COPB1: variants seen among roughly 807,000 people sequenced by gnomAD.
COPB1 encodes the protein coatomer subunit beta.
Under a neutral mutation model 108.7 loss-of-function variants are expected in COPB1, and 21 were observed. That is an observed-to-expected ratio of 0.19 (90% confidence interval 0.14 to 0.28). The LOEUF (loss-of-function observed/expected upper bound fraction) is 0.28. Among genes scored for constraint, COPB1 ranks in the 10% least tolerant of loss-of-function variants. The pLI, the probability that COPB1 is intolerant of heterozygous loss-of-function variation, is 1.00. For missense variants in COPB1, 919 were observed against 1,141.3 expected, an observed-to-expected ratio of 0.81 and a Z score of 2.81; for synonymous variants, 378 against 386.8, an observed-to-expected ratio of 0.98 and a Z score of 0.27.
At chr11:14,464,660 C>A (rs1408384149) in intron 18 of COPB1, among the ~76,000 whole-genome samples, 3 of 152,096 alleles carry the variant, frequency 2.0e-5, no homozygotes, top group Non-Finnish European at 4.4e-5. Context: ...CTGTAACACA[C>A]TGGACTACAA....
At chr11:14,485,356 A>G (rs556683385) in intron 7 of COPB1, among the ~76,000 whole-genome samples, 2 of 152,120 alleles carry the variant, frequency 1.3e-5, no homozygotes, top group East Asian at 1.9e-4. Flanking sequence ...CTGTACAGAT[A>G]GAGTCTCTCT....
At chr11:14,493,603 G>A in intron 4 of COPB1, 39 bp downstream of exon 4, 1 of 1,544,526 alleles carries the variant, frequency 6.5e-7, no homozygotes, top group Non-Finnish European at 8.7e-7. Context: ...AGACTAAACA[G>A]TACTCACAGA....
intron 16 of COPB1, 49 bp from the exon 17 acceptor site, chr11:14,466,475 C>T (rs1009996205): frequency 1.3e-6 from 2 of 1,565,834 alleles, no homozygotes; most frequent in Non-Finnish European, 8.7e-7. Context: ...TGCAATTTCA[C>T]CAAACATACC....
chr11:14,465,097 AC>A lies in COPB1; in HGVS notation c.2291-68del. The A allele has an allele frequency of 9.7e-6, 14 of 1,437,466 alleles. 1 individual carries two copies. The highest frequency in any genetic ancestry group is 5.1e-5 in the South Asian group (4 of 77,896). The allele number at this position is 1,437,466 out of a possible 1,614,324, so 89.0% of individuals were successfully genotyped here. On this transcript the variant is annotated intron_variant, in intron 17 of 21. Transcript: ENST00000439561. The stretch of plus-strand genomic sequence containing the variant: ...CACACACACACACACACACACACAC[AC>A]ACACACACACACTAACCATAAAACC...
chr11:14,469,080 G>A (rs1343278957), intron 15 of COPB1, among the ~76,000 whole-genome samples: 2 of 151,928 alleles, frequency 1.3e-5, no homozygotes, highest in Admixed American at 6.6e-5. Context: ...CTGCAGCCTC[G>A]AACTCTTAGA....
rs1263051655 is a variant in COPB1, at chr11:14,458,696, A to C, written c.2647-9T>G. 20 of 1,608,680 alleles carry C rather than the reference A, an allele frequency of 1.2e-5. No homozygotes were observed. Among genetic ancestry groups the C allele is most frequent in the Non-Finnish European group, 1.7e-5 (20 of 1,178,084 alleles). On this transcript the variant is annotated splice_polypyrimidine_tract_variant and intron_variant, in intron 20 of 21. Coordinates refer to ENST00000439561, the MANE Select transcript of COPB1 (RefSeq NM_001144061.2). ...CAGTAACCAGAAAGGGCCTGGAAAAAATTTGTGATAAATTCATTACTTTAC... is the reference window on the plus strand; with the variant it reads ...CAGTAACCAGAAAGGGCCTGGAAAACATTTGTGATAAATTCATTACTTTAC...
intron 20 of COPB1, among the ~76,000 whole-genome samples, chr11:14,459,684 C>T (rs954026654): frequency 3.3e-5 from 5 of 151,240 alleles, no homozygotes; most frequent in Admixed American, 6.6e-5. Context: ...GGTGTGATCT[C>T]GGCTCACTGC....
At chr11:14,491,945 A>G (rs572494807) in intron 4 of COPB1, among the ~76,000 whole-genome samples, 1 of 152,338 alleles carries the variant, frequency 6.6e-6, no homozygotes, top group East Asian at 1.9e-4. Context: ...AAATTTAGAA[A>G]TATTAGTACA....
intron 7 of COPB1, among the ~76,000 whole-genome samples, chr11:14,484,238 G>C (rs1014005065): frequency 6.6e-6 from 1 of 152,212 alleles, no homozygotes; most frequent in Admixed American, 6.5e-5. Flanking sequence ...TATGACCACT[G>C]CATACAATAT....
intron 5 of COPB1, 84 bp downstream of exon 5, chr11:14,490,481 A>C: frequency 1.4e-6 from 1 of 730,374 alleles, no homozygotes. Flanking sequence ...AAAATTACTG[A>C]CTAAAAACAT....
At position 14,494,200 on chromosome 11, in the gene COPB1, T is replaced by G; in HGVS notation, c.321+10A>C. 1.9e-6 allele frequency: 3 copies of G among 1,546,350 alleles called. No individual in the cohort carries two copies. The highest frequency in any genetic ancestry group is 2.7e-6 in the Non-Finnish European group (3 of 1,127,482). On this transcript the variant is annotated intron_variant, in intron 3 of 21. Coordinates refer to ENST00000439561, the MANE Select transcript of COPB1 (RefSeq NM_001144061.2). ...AAGCAATATTCAGAAATAATTATGA[T>G]TTGGTTTACCTTTCTGTATGCATCA...
intron 19 of COPB1, 149 bp from the exon 20 acceptor site, chr11:14,460,446 AC>A (rs1232317706): frequency 1.7e-6 from 1 of 576,860 alleles, no homozygotes; most frequent in East Asian, 2.9e-5. Context: ...ATAAAATCCA[AC>A]AAGCTGTAGG....
At chr11:14,466,465 T>C (rs1850283764) in intron 16 of COPB1, 39 bp from the exon 17 acceptor site, 1 of 1,587,786 alleles carries the variant, frequency 6.3e-7, no homozygotes, top group Non-Finnish European at 8.6e-7. Flanking sequence ...AAATGACAGA[T>C]GCAATTTCAC....
intron 20 of COPB1, among the ~76,000 whole-genome samples, chr11:14,459,014 C>T (rs1022542219): frequency 1.3e-5 from 2 of 152,150 alleles, no homozygotes; most frequent in South Asian, 2.1e-4. Context: ...GTGATCCACC[C>T]GCCTCGGCCT....
At chr11:14,480,966 A>T in intron 9 of COPB1, 24 bp downstream of exon 9, 1 of 1,610,226 alleles carries the variant, frequency 6.2e-7, no homozygotes, top group Non-Finnish European at 8.5e-7. Context: ...ATAGCTACAA[A>T]GTGCTGTCAG....
At chr11:14,485,622 G>A (rs940706971) in intron 7 of COPB1, among the ~76,000 whole-genome samples, 1 of 152,154 alleles carries the variant, frequency 6.6e-6, no homozygotes, top group Non-Finnish European at 1.5e-5. Flanking sequence ...CGAGGTTAGC[G>A]GATCACTTGA....
In COPB1 at chr11:14,488,549, A is replaced by C. The variant is rs769789840; in HGVS notation, c.642T>G (p.Asp214Glu). 8.7e-6 allele frequency: 14 copies of C among 1,607,988 alleles called. No homozygotes were observed. In the South Asian group the frequency reaches 1.6e-4, roughly 18 times the overall value. Residue 214 changes from aspartate to glutamate, a missense_variant, in exon 6 of 22, where the codon GAT becomes GAG. Transcript: ENST00000439561. ...GAATGTCTCCAAATGTTTGAACTTG[A>C]TCAATGCAAGTACTTAAGTAATCCA... Reference protein sequence around the residue: ...RALDYLSTCIDQVQTFGDILQ... With the variant: ...RALDYLSTCIEQVQTFGDILQ...
rs752081939 is a variant in COPB1, at chr11:14,460,308, GA to G, written c.2557-12del. On this transcript the variant is annotated splice_polypyrimidine_tract_variant and intron_variant, in intron 19 of 21. Transcript: ENST00000439561. ...GGTGTTAACTGTCACCTGTAGAGAGGAAAAAAAAGTCAAGGAGATCATAAAT... is the reference window on the plus strand; with the variant it reads ...GGTGTTAACTGTCACCTGTAGAGAGGAAAAAAAGTCAAGGAGATCATAAAT... 51 of 1,525,990 alleles carry G rather than the reference GA, an allele frequency of 3.3e-5. No individual in the cohort carries two copies. The highest frequency in any genetic ancestry group is 3.8e-5 in the Admixed American group (2 of 52,544). 94.5% of individuals were successfully genotyped at this position (1,525,990 alleles called of 1,614,324 possible).
rs372979395 is a variant in COPB1, at chr11:14,469,578, A to C, written c.1738-15T>G. 122 of 1,600,194 alleles carry C rather than the reference A, an allele frequency of 7.6e-5. No individual in the cohort carries two copies. Among genetic ancestry groups the C allele is most frequent in the Non-Finnish European group, 9.9e-5 (116 of 1,167,710 alleles). On this transcript the variant is annotated splice_polypyrimidine_tract_variant and intron_variant, in intron 14 of 21. Coordinates refer to ENST00000439561, the MANE Select transcript of COPB1 (RefSeq NM_001144061.2). ...GCAACAAAAGACTAAGAAAGTAAAG[A>C]AATCGGTTACTGATATTGTCTTGAT...
Sources: allele counts gnomAD v4.1 joint callset (sites outside exome capture counted in the v4.1 genomes callset), GRCh38; gene constraint gnomAD v4.1.1; transcripts MANE v1.5; gene names NCBI Gene and HGNC (gene_info 2026-07-23, HGNC 2026-07-21).